ZMYND11: variants seen among roughly 807,000 people sequenced by gnomAD.
ZMYND11 encodes the protein zinc finger MYND domain-containing protein 11.
ZMYND11 carries 9 observed loss-of-function variants against 84.9 expected under a neutral mutation model. That is an observed-to-expected ratio of 0.11 (90% CI 0.06 to 0.18). The LOEUF is 0.18. Ranked by LOEUF, ZMYND11 falls within the 10% of genes least tolerant of loss-of-function variation. The pLI is 1.00. For synonymous variants in ZMYND11, 250 were observed against 244.1 expected, an observed-to-expected ratio of 1.02 and a Z score of -0.23; for missense variants, 409 against 761.0, an observed-to-expected ratio of 0.54 and a Z score of 5.44.
At chr10:224,737 C>CT (rs35149524) in intron 4 of ZMYND11, among the ~76,000 whole-genome samples, 20 of 152,086 alleles carry the variant, frequency 1.3e-4, no homozygotes, top group African/African-American at 4.8e-4. Flanking sequence ...CCAGAATGAC[C>CT]TTTTTTTGGC....
chr10:164,783 A>G (rs1221957595), intron 1 of ZMYND11, among the ~76,000 whole-genome samples: 2 of 152,104 alleles, frequency 1.3e-5, no homozygotes, highest in African/African-American at 4.8e-5. Context: ...TTGGAGAGGT[A>G]TATGTGAAAG....
At chr10:235,228 AAT>A (rs1305483767) in intron 4 of ZMYND11, among the ~76,000 whole-genome samples, 7 of 152,186 alleles carry the variant, frequency 4.6e-5, no homozygotes, top group African/African-American at 1.7e-4. Context: ...ACTAGAGTTC[AAT>A]GTTTGTTTAA....
intron 1 of ZMYND11, among the ~76,000 whole-genome samples, chr10:151,833 C>T (rs1174491217): frequency 1.3e-5 from 2 of 152,120 alleles, no homozygotes; most frequent in African/African-American, 2.4e-5. Context: ...GGGTTACCCA[C>T]AAAGGGAAGC....
At position 169,766 on chromosome 10, in the gene ZMYND11, A is replaced by G. The variant is rs1844849571; in HGVS notation, c.-19-10228A>G. ...AAGCAGAGAGAGACAAGTCTGGGGA[A>G]AAAACCAATCGACAACAGAATATTC... On this transcript the variant is annotated intron_variant, in intron 1 of 14. Coordinates refer to ENST00000381604, the MANE Select transcript of ZMYND11 (RefSeq NM_001370100.5). 2.0e-5 allele frequency among the ~76,000 whole-genome samples: 3 copies of G among 152,086 alleles called. No homozygotes were observed. The South Asian group carries it at 6.2e-4, about 32-fold the overall frequency.
At chr10:164,755 T>C (rs1843619951) in intron 1 of ZMYND11, among the ~76,000 whole-genome samples, 1 of 152,066 alleles carries the variant, frequency 6.6e-6, no homozygotes, top group African/African-American at 2.4e-5. Flanking sequence ...AGAAAAAAGG[T>C]AGGACAGTGT....
rs201839733 is a variant in ZMYND11 at position 200,318 on chromosome 10, C to CATATATAATATGTATTATATATAACAT, written c.117-9566_117-9565insTAATATGTATTATATATAACATATATA. Among the ~76,000 whole-genome samples the CATATATAATATGTATTATATATAACAT allele has an allele frequency of 7.3e-3, 1,038 of 142,448 alleles. 16 individuals are homozygous for CATATATAATATGTATTATATATAACAT. Among genetic ancestry groups the CATATATAATATGTATTATATATAACAT allele is most frequent in the African/African-American group, 0.025 (977 of 38,784 alleles). The allele number at this position is 142,448 out of a possible 152,430, so 93.5% of individuals were successfully genotyped here. Reference sequence around the variant, plus strand: ...AATGTATATTATATATAATATATAACATATAATATGTATTATATATAACAT... The same window carrying CATATATAATATGTATTATATATAACAT: ...AATGTATATTATATATAATATATAACATATATAATATGTATTATATATAACATATATAATATGTATTATATATAACAT... On this transcript the variant is annotated intron_variant, in intron 2 of 14. Transcript: ENST00000381604.
intron 4 of ZMYND11, among the ~76,000 whole-genome samples, chr10:223,883 G>T (rs1023322092): frequency 6.6e-6 from 1 of 152,032 alleles, no homozygotes; most frequent in African/African-American, 2.4e-5. Flanking sequence ...TGGACTAAGA[G>T]AACCTAGAGT....
intron 2 of ZMYND11, among the ~76,000 whole-genome samples, chr10:192,028 T>A (rs1458720672): frequency 6.6e-6 from 1 of 152,204 alleles, no homozygotes; most frequent in African/African-American, 2.4e-5. Context: ...CTAATTTTAC[T>A]TCATAGATAT....
At chr10:133,406 G>A (rs1196465011), upstream of ZMYND11, among the ~76,000 whole-genome samples, 1 of 152,056 alleles carries the variant, frequency 6.6e-6, no homozygotes, top group Non-Finnish European at 1.5e-5. Flanking sequence ...TAGAGCCAAG[G>A]GTTAAATTCT....
intron 7 of ZMYND11, 120 bp from the exon 8 acceptor site, chr10:239,936 T>G (rs1950593262): frequency 1.4e-6 from 1 of 739,866 alleles, no homozygotes; most frequent in Non-Finnish European, 2.2e-6. Context: ...TTATTTTAAA[T>G]GGACATTTTG....
At chr10:201,793 TGAG>T (rs1372568877) in intron 2 of ZMYND11, among the ~76,000 whole-genome samples, 2 of 151,740 alleles carry the variant, frequency 1.3e-5, no homozygotes, top group East Asian at 1.9e-4. Flanking sequence ...TGCGAGAAAA[TGAG>T]GAGGAAGTTA....
chr10:236,796 G>GGTACAAA, intron 4 of ZMYND11, 42 bp from the exon 5 acceptor site: 1 of 1,518,140 alleles, frequency 6.6e-7, no homozygotes, highest in Non-Finnish European at 9.1e-7. Context: ...ACATAAGAAT[G>GGTACAAA]ATCAGATTTT....
chr10:215,544 G>A (rs1946050701), intron 3 of ZMYND11, among the ~76,000 whole-genome samples: 1 of 151,722 alleles, frequency 6.6e-6, no homozygotes, highest in South Asian at 2.1e-4. Context: ...TAGGCCTAGG[G>A]GGCATCTTTG....
intron 1 of ZMYND11, among the ~76,000 whole-genome samples, chr10:179,252 C>G (rs1157755578): frequency 6.6e-6 from 1 of 152,140 alleles, no homozygotes; most frequent in Non-Finnish European, 1.5e-5. Context: ...AACCTCTTTT[C>G]TTTCCCCATC....
intron 2 of ZMYND11, among the ~76,000 whole-genome samples, chr10:206,295 G>C (rs1367469152): frequency 1.3e-5 from 2 of 152,122 alleles, no homozygotes; most frequent in Non-Finnish European, 2.9e-5. Context: ...AGGAGGCAGA[G>C]GTTGCAGTGA....
At chr10:158,998 T>TTTTTTTTTTTTTTTTTTTTTTTG (rs1842373319) in intron 1 of ZMYND11, among the ~76,000 whole-genome samples, 2 of 147,678 alleles carry the variant, frequency 1.4e-5, no homozygotes, top group Non-Finnish European at 1.5e-5. Flanking sequence ...TTTGTTTTTT[T>TTTTTTTTTTTTTTTTTTTTTTTG]TTTTTTTTTT....
At chr10:206,098 G>C (rs1463450262) in intron 2 of ZMYND11, among the ~76,000 whole-genome samples, 1 of 151,172 alleles carries the variant, frequency 6.6e-6, no homozygotes, top group African/African-American at 2.4e-5. Flanking sequence ...GGTGGCTCAC[G>C]CCTGTAATCC....
intron 14 of ZMYND11, among the ~76,000 whole-genome samples, chr10:250,803 G>A (rs377507359): frequency 7.2e-5 from 11 of 152,272 alleles, no homozygotes; most frequent in African/African-American, 1.4e-4. Context: ...TGGGAAGGCC[G>A]AGGTGGGCAG....
intron 2 of ZMYND11, among the ~76,000 whole-genome samples, chr10:200,375 T>TA (rs1942916153): frequency 6.9e-6 from 1 of 145,524 alleles, no homozygotes; most frequent in Non-Finnish European, 1.5e-5. Context: ...TGTGTATATA[T>TA]GTATATATAA....
Sources: gnomAD v4.1 joint callset for allele counts (sites outside exome capture counted in the v4.1 genomes callset) on GRCh38, gnomAD v4.1.1 for gene constraint, MANE v1.5 for transcripts, NCBI Gene and HGNC (gene_info 2026-07-23, HGNC 2026-07-21) for gene names.